The following CHRM3 variants were observed in gnomAD, a reference collection of about 807,000 sequenced individuals.
The protein encoded by CHRM3 is muscarinic acetylcholine receptor M3.
CHRM3 carries 11 observed loss-of-function variants against 41.8 expected under a neutral mutation model. The observed-to-expected ratio is 0.26, with a 90% CI of 0.17 to 0.44. The LOEUF (loss-of-function observed/expected upper bound fraction) is 0.44. Among genes scored for constraint, CHRM3 ranks in the 20% least tolerant of loss-of-function variants. The pLI is 1.00. For synonymous variants in CHRM3, 297 were observed against 301.4 expected (o/e 0.99, Z 0.15); for missense variants, 571 against 745.4 (o/e 0.77, Z 2.72).
intron 6 of CHRM3, among the ~76,000 whole-genome samples, chr1:239,836,613 C>A (rs1673339595): frequency 6.6e-6 from 1 of 152,142 alleles, no homozygotes; most frequent in Non-Finnish European, 1.5e-5. Context: ...AGCAGACCCT[C>A]TTAGGACTCC....
At chr1:239,828,266 A>T (rs534591044) in intron 6 of CHRM3, among the ~76,000 whole-genome samples, 1 of 152,310 alleles carries the variant, frequency 6.6e-6, no homozygotes, top group African/African-American at 2.4e-5. Context: ...ATACACATAG[A>T]TACATTCATA....
chr1:239,614,243 AT>A (rs568246814), intron 3 of CHRM3, among the ~76,000 whole-genome samples: 206 of 152,344 alleles, frequency 1.4e-3, no homozygotes, highest in South Asian at 4.1e-3. Flanking sequence ...GAGCAGGGTA[AT>A]TCAGATATTC....
At chr1:239,675,973 G>A (rs1177885214) in intron 4 of CHRM3, among the ~76,000 whole-genome samples, 2 of 152,090 alleles carry the variant, frequency 1.3e-5, no homozygotes, top group Non-Finnish European at 2.9e-5. Context: ...TATTTTACAT[G>A]AGCCTTCTCT....
At chr1:239,869,226 G>A (rs928032126) in intron 6 of CHRM3, among the ~76,000 whole-genome samples, 5 of 152,068 alleles carry the variant, frequency 3.3e-5, no homozygotes, top group Non-Finnish European at 7.4e-5. Context: ...TGCACTAAAA[G>A]GAACCATATG....
chr1:239,467,605 G>A (rs926582664), intron 1 of CHRM3, among the ~76,000 whole-genome samples: 3 of 152,036 alleles, frequency 2.0e-5, no homozygotes, highest in African/African-American at 4.8e-5. Context: ...CGGCCGCCTC[G>A]AGTTCTTAAG....
intron 3 of CHRM3, among the ~76,000 whole-genome samples, chr1:239,547,784 T>A (rs1164535081): frequency 6.6e-6 from 1 of 152,224 alleles, no homozygotes; most frequent in East Asian, 1.9e-4. Flanking sequence ...TGTGCTCAAT[T>A]ATTGATTTAT....
chr1:239,640,234 G>T (rs1231521723), intron 4 of CHRM3, among the ~76,000 whole-genome samples: 2 of 152,036 alleles, frequency 1.3e-5, no homozygotes, highest in African/African-American at 2.4e-5. Flanking sequence ...CTCTTTTTTG[G>T]TAGTGTCTCT....
chr1:239,766,489 A>G (rs908188195), intron 5 of CHRM3, among the ~76,000 whole-genome samples: 3 of 152,172 alleles, frequency 2.0e-5, no homozygotes, highest in Non-Finnish European at 2.9e-5. Context: ...AAGTTAACCT[A>G]TGTAACAAAC....
At position 239,860,407 on chromosome 1, in the gene CHRM3, AATT is replaced by A. The variant is rs545527599; in HGVS notation, c.-20+33035_-20+33037del. ...AAGCATACATGCATTTTAAAATTAAAATTATTATAGATATGCTTATCTATTAAT... is the reference window on the plus strand; with the variant it reads ...AAGCATACATGCATTTTAAAATTAAAATTATAGATATGCTTATCTATTAAT... On this transcript the variant is annotated intron_variant, in intron 6 of 6. Transcript: ENST00000676153. Among the ~76,000 whole-genome samples, 652 of 152,314 alleles carry A rather than the reference AATT, an allele frequency of 4.3e-3. 9 individuals carry two copies. The highest frequency in any genetic ancestry group is 0.015 in the African/African-American group (629 of 41,568).
intron 3 of CHRM3, among the ~76,000 whole-genome samples, chr1:239,588,906 G>A (rs1663733913): frequency 6.6e-6 from 1 of 151,948 alleles, no homozygotes; most frequent in Non-Finnish European, 1.5e-5. Flanking sequence ...TTATAAGAAA[G>A]CAAAACTGTT....
At chr1:239,526,719 C>A (rs1156585792) in intron 2 of CHRM3, among the ~76,000 whole-genome samples, 1 of 152,170 alleles carries the variant, frequency 6.6e-6, no homozygotes, top group Admixed American at 6.5e-5. Context: ...TTCTTTCTTA[C>A]ATCTTATTTT....
intron 6 of CHRM3, among the ~76,000 whole-genome samples, chr1:239,890,548 A>G (rs536146516): frequency 2.0e-5 from 3 of 152,270 alleles, no homozygotes; most frequent in African/African-American, 7.2e-5. Flanking sequence ...ATTTAATCTA[A>G]TGAATATATA....
At position 239,911,412 on chromosome 1, in the gene CHRM3, T is replaced by C. The variant is rs1200191171; in HGVS notation, c.*2188T>C. 1 of 167,042 alleles carries C rather than the reference T, an allele frequency of 6.0e-6. No individual in the cohort carries two copies. Among genetic ancestry groups the C allele is most frequent in the Non-Finnish European group, 1.5e-5 (1 of 68,112 alleles). The allele number at this position is 167,042 out of a possible 1,614,324, so 10.3% of individuals were successfully genotyped here. A position where few individuals can be genotyped will look rare whatever the true frequency, so the allele number is the denominator to read the frequency against. ...GAAACATCTAGTAAGCAATTGCATC[T>C]ATATTTTATTTCTCAAGTTGGCCTG... On this transcript the variant is annotated 3_prime_UTR_variant, in exon 7 of 7. Coordinates refer to ENST00000676153, the MANE Select transcript of CHRM3 (RefSeq NM_001375978.1).
chr1:239,647,855 A>G (rs1335476219), intron 4 of CHRM3, among the ~76,000 whole-genome samples: 1 of 152,166 alleles, frequency 6.6e-6, no homozygotes, highest in African/African-American at 2.4e-5. Context: ...GCCACTTCCT[A>G]GCTGGCTCAA....
At chr1:239,773,783 AATAACTC>A (rs1667874876) in intron 5 of CHRM3, among the ~76,000 whole-genome samples, 1 of 152,202 alleles carries the variant, frequency 6.6e-6, no homozygotes, top group Admixed American at 6.5e-5. Flanking sequence ...GGAGGATGAG[AATAACTC>A]CTGTAATTAA....
intron 5 of CHRM3, among the ~76,000 whole-genome samples, chr1:239,715,133 A>G (rs1471008566): frequency 6.6e-6 from 1 of 152,158 alleles, no homozygotes; most frequent in African/African-American, 2.4e-5. Flanking sequence ...AGAAGGACCC[A>G]TTAGGTTTAT....
At chr1:239,478,919 A>G (rs751411267) in intron 1 of CHRM3, among the ~76,000 whole-genome samples, 1 of 152,146 alleles carries the variant, frequency 6.6e-6, no homozygotes, top group Non-Finnish European at 1.5e-5. Flanking sequence ...ATGCTGGCTC[A>G]TGAATGTAAT....
intron 4 of CHRM3, among the ~76,000 whole-genome samples, chr1:239,676,937 G>T (rs1658060796): frequency 1.3e-5 from 2 of 152,142 alleles, no homozygotes; most frequent in Non-Finnish European, 2.9e-5. Context: ...TCCTCCTGTT[G>T]TTCTGAGCCC....
chr1:239,746,731 A>G (rs1665390857), intron 5 of CHRM3, among the ~76,000 whole-genome samples: 1 of 151,690 alleles, frequency 6.6e-6, no homozygotes, highest in East Asian at 1.9e-4. Context: ...CTTACCAGAT[A>G]TTTGCCTTTA....
Sources: gnomAD v4.1 joint callset for allele counts (sites outside exome capture counted in the v4.1 genomes callset) on GRCh38, gnomAD v4.1.1 for gene constraint, MANE v1.5 for transcripts, NCBI Gene and HGNC (gene_info 2026-07-23, HGNC 2026-07-21) for gene names.